Variants in ZNF385D observed in about 807,000 individuals in gnomAD.
ZNF385D encodes the protein zinc finger protein 385D.
A neutral mutation model predicts 35.8 loss-of-function variants in ZNF385D; 15 were observed. The ratio of observed to expected loss-of-function variants is 0.42; its 90% CI spans 0.28 to 0.64. ZNF385D has a LOEUF of 0.64. Among genes scored for constraint, ZNF385D ranks in the 30% least tolerant of loss-of-function variants. The pLI, the probability that ZNF385D is intolerant of heterozygous loss-of-function variation, is 0.23. For synonymous variants in ZNF385D, 212 were observed against 186.8 expected (o/e 1.13, Z -1.10); for missense variants, 474 against 494.6 (o/e 0.96, Z 0.39).
chr3:21,695,657 C>G (rs1017214315), intron 1 of ZNF385D, among the ~76,000 whole-genome samples: 2 of 152,026 alleles, frequency 1.3e-5, no homozygotes, highest in African/African-American at 4.8e-5. Flanking sequence ...TATCCTTGAC[C>G]TCAGCCAGTC....
exon 2 of ZNF385D, chr3:22,372,472 C>A: frequency 1.0e-6 from 1 of 985,960 alleles, no homozygotes; most frequent in Non-Finnish European, 1.2e-6. Context: ...GAGCTTTCGG[C>A]GCCCCCAGGA....
At chr3:22,159,764 A>G (rs143358453) in intron 3 of ZNF385D, among the ~76,000 whole-genome samples, 203 of 152,280 alleles carry the variant, frequency 1.3e-3, no homozygotes, top group Non-Finnish European at 2.3e-3. Flanking sequence ...ACTTCAGTCA[A>G]ACAAGAATAC....
At chr3:22,109,530 T>C (rs939777956) in intron 3 of ZNF385D, among the ~76,000 whole-genome samples, 14 of 152,096 alleles carry the variant, frequency 9.2e-5, no homozygotes, top group African/African-American at 2.2e-4. Context: ...ATTTGCCAGA[T>C]AGATGGGGCT....
At chr3:21,923,787 A>G (rs34718882) in intron 3 of ZNF385D, among the ~76,000 whole-genome samples, 81,212 of 151,964 alleles carry the variant, frequency 0.53, 23,785 homozygotes, top group South Asian at 0.66. Flanking sequence ...GTTCTCACCT[A>G]TAAGTGGAAG....
At chr3:22,243,657 C>T (rs1004035532) in intron 2 of ZNF385D, among the ~76,000 whole-genome samples, 4 of 151,072 alleles carry the variant, frequency 2.6e-5, no homozygotes, top group Non-Finnish European at 5.9e-5. Context: ...GATGTTAGAA[C>T]ACTTCAAAGG....
intron 3 of ZNF385D, chr3:22,133,916 AC>A (rs749266787): frequency 3.9e-5 from 6 of 151,910 alleles, no homozygotes; most frequent in Non-Finnish European, 5.9e-5. Flanking sequence ...AGAAAAAAAA[AC>A]AACCTCTTTT....
chr3:22,213,342 T>C (rs1459665957), intron 2 of ZNF385D, among the ~76,000 whole-genome samples: 1 of 152,078 alleles, frequency 6.6e-6, no homozygotes, highest in East Asian at 1.9e-4. Flanking sequence ...ATTTGTATCT[T>C]ACTGGTAGCA....
intron 3 of ZNF385D, among the ~76,000 whole-genome samples, chr3:22,132,714 G>C (rs116395798): frequency 0.041 from 6,204 of 151,840 alleles, 377 homozygotes; most frequent in African/African-American, 0.14. Flanking sequence ...TAAAGATCTA[G>C]TGCATAAGAG....
At chr3:21,563,630 C>T (rs1575190154) in intron 3 of ZNF385D, among the ~76,000 whole-genome samples, 1 of 152,308 alleles carries the variant, frequency 6.6e-6, no homozygotes, top group Non-Finnish European at 1.5e-5. Flanking sequence ...AGGTTAAATA[C>T]TGGAAGGCTT....
At chr3:22,162,413 T>G (rs1442336148) in intron 3 of ZNF385D, among the ~76,000 whole-genome samples, 1 of 151,998 alleles carries the variant, frequency 6.6e-6, no homozygotes, top group Non-Finnish European at 1.5e-5. Flanking sequence ...CCCCCTTATC[T>G]GCCTTACCCA....
At chr3:22,045,768 A>G (rs1352351861) in intron 3 of ZNF385D, among the ~76,000 whole-genome samples, 1 of 152,010 alleles carries the variant, frequency 6.6e-6, no homozygotes, top group Non-Finnish European at 1.5e-5. Flanking sequence ...CTCTCAAACC[A>G]ATGGAGCCTG....
chr3:21,628,096 G>C (rs1223242629), intron 2 of ZNF385D, among the ~76,000 whole-genome samples: 2 of 151,954 alleles, frequency 1.3e-5, no homozygotes, highest in South Asian at 4.1e-4. Context: ...CTAACTCTAC[G>C]GACAAAGGCC....
chr3:21,681,111 G>A (rs963237541), intron 1 of ZNF385D, among the ~76,000 whole-genome samples: 1 of 151,962 alleles, frequency 6.6e-6, no homozygotes, highest in Non-Finnish European at 1.5e-5. Context: ...AGATCTGAGT[G>A]TAACAGAATT....
chr3:21,776,564 G>C (rs949516135), intron 3 of ZNF385D, among the ~76,000 whole-genome samples: 1 of 151,840 alleles, frequency 6.6e-6, no homozygotes, highest in African/African-American at 2.4e-5. Context: ...TTGTGAATTT[G>C]TCTTCCTATC....
At chr3:22,065,503 G>C (rs776281479) in intron 3 of ZNF385D, among the ~76,000 whole-genome samples, 1 of 152,148 alleles carries the variant, frequency 6.6e-6, no homozygotes, top group Non-Finnish European at 1.5e-5. Context: ...TGTTAGAGTG[G>C]GGCAGAGTTG....
intron 2 of ZNF385D, among the ~76,000 whole-genome samples, chr3:21,635,442 A>G (rs1430534587): frequency 6.6e-6 from 1 of 152,082 alleles, no homozygotes; most frequent in Non-Finnish European, 1.5e-5. Context: ...ACTGAGTTAC[A>G]ATGAACTTAA....
chr3:21,592,186 T>A (rs1402908554), intron 2 of ZNF385D, among the ~76,000 whole-genome samples: 2 of 152,198 alleles, frequency 1.3e-5, no homozygotes, highest in South Asian at 2.1e-4. Context: ...TTAGTTGTTT[T>A]CTTGACTTAT....
chr3:22,116,791 C>A (rs147627196), intron 3 of ZNF385D, among the ~76,000 whole-genome samples: 1 of 151,988 alleles, frequency 6.6e-6, no homozygotes, highest in Non-Finnish European at 1.5e-5. Flanking sequence ...CTCAAAATTA[C>A]AGTTTTTATA....
At chr3:22,236,557 G>A (rs1484613846) in intron 2 of ZNF385D, among the ~76,000 whole-genome samples, 2 of 152,106 alleles carry the variant, frequency 1.3e-5, no homozygotes, top group East Asian at 1.9e-4. Context: ...TAAATATTAA[G>A]ATATAATCAC....
Sources: allele counts gnomAD v4.1 joint callset (sites outside exome capture counted in the v4.1 genomes callset), GRCh38; gene constraint gnomAD v4.1.1; transcripts MANE v1.5; gene names NCBI Gene and HGNC (gene_info 2026-07-23, HGNC 2026-07-21).